Variants in NRG3 observed in about 807,000 individuals in gnomAD.
NRG3 encodes pro-neuregulin-3, membrane-bound isoform.
A neutral mutation model predicts 66.9 loss-of-function variants in NRG3; 31 were observed. The ratio of observed to expected loss-of-function variants is 0.46; its 90% confidence interval spans 0.35 to 0.63. The LOEUF is 0.63. NRG3 is among the 20% of genes least tolerant of loss of function. NRG3 has a pLI of 0.00. For synonymous variants in NRG3, 393 were observed against 359.4 expected, an observed-to-expected ratio of 1.09 and a Z score of -1.06; for missense variants, 910 against 878.9, an observed-to-expected ratio of 1.04 and a Z score of -0.45.
chr10:82,207,877 A>C (rs560385542), intron 1 of NRG3, among the ~76,000 whole-genome samples: 302 of 152,274 alleles, frequency 2.0e-3, no homozygotes, highest in African/African-American at 7.0e-3. Flanking sequence ...GTCTCCCTTG[A>C]CAGTGGGGAT....
At chr10:82,349,576 GCTGTGGTGGGCTCCACC>G (rs2083276279) in intron 1 of NRG3, among the ~76,000 whole-genome samples, 1 of 152,140 alleles carries the variant, frequency 6.6e-6, no homozygotes, top group East Asian at 1.9e-4. Context: ...GCCTCCTTGA[GCTGTGGTGGGCTCCACC>G]CAGTTCGAGC....
At chr10:82,951,835 C>T (rs2132363945) in intron 5 of NRG3, among the ~76,000 whole-genome samples, 1 of 152,310 alleles carries the variant, frequency 6.6e-6, no homozygotes, top group Admixed American at 6.5e-5. Flanking sequence ...TGACCACGAA[C>T]ATTCTATGTT....
chr10:82,714,541 A>G (rs991537431), intron 2 of NRG3, among the ~76,000 whole-genome samples: 9 of 152,084 alleles, frequency 5.9e-5, no homozygotes, highest in African/African-American at 2.2e-4. Context: ...TCTTCTATAA[A>G]CTTGTACTTT....
At chr10:82,318,264 A>G (rs2081393396) in intron 1 of NRG3, among the ~76,000 whole-genome samples, 1 of 152,120 alleles carries the variant, frequency 6.6e-6, no homozygotes, top group African/African-American at 2.4e-5. Context: ...CCAAAGGTGG[A>G]GGCAGGTTTG....
chr10:82,017,451 C>G (rs1044775695), intron 1 of NRG3, among the ~76,000 whole-genome samples: 1 of 152,038 alleles, frequency 6.6e-6, no homozygotes, highest in African/African-American at 2.4e-5. Context: ...TGGGTATATA[C>G]CCAGTAATGG....
intron 2 of NRG3, among the ~76,000 whole-genome samples, chr10:82,538,699 C>T (rs1590565875): frequency 6.6e-6 from 1 of 150,422 alleles, no homozygotes; most frequent in Admixed American, 6.6e-5. Flanking sequence ...TTTTTTTTCA[C>T]CAGAAAAAAA....
intron 3 of NRG3, among the ~76,000 whole-genome samples, chr10:82,864,384 G>C (rs1237393990): frequency 2.0e-5 from 3 of 151,876 alleles, no homozygotes; most frequent in Non-Finnish European, 4.4e-5. Flanking sequence ...TGAAATCTGG[G>C]TAACTAGATG....
intron 1 of NRG3, among the ~76,000 whole-genome samples, chr10:82,154,168 T>C (rs528870081): frequency 1.3e-4 from 20 of 152,178 alleles, no homozygotes; most frequent in Non-Finnish European, 2.2e-4. Flanking sequence ...TGTGAAGCTT[T>C]TTCTCTACAT....
chr10:82,015,925 A>G (rs778636633), intron 1 of NRG3, among the ~76,000 whole-genome samples: 2 of 151,538 alleles, frequency 1.3e-5, no homozygotes, highest in Non-Finnish European at 2.9e-5. Context: ...AGCCAGGCAC[A>G]TGTAAGCAAT....
Position 82,958,846 on chromosome 10 carries a change from T to G in NRG3, c.1158-103T>G, listed in dbSNP as rs1036287125. The G allele has an allele frequency of 1.1e-5, 14 of 1,311,366 alleles. No individual in the cohort carries two copies. The African/African-American group carries it at 2.1e-4, about 20-fold the overall frequency. 81.2% of individuals were successfully genotyped at this position (1,311,366 alleles called of 1,614,324 possible). On this transcript the variant is annotated intron_variant, in intron 5 of 8. Transcript: ENST00000372141. Reference sequence around the variant, plus strand: ...TCTTCGTTAGCTGAGTTTATTTAACTTTAGCAAATAACAAATATAGACACT... The same window carrying G: ...TCTTCGTTAGCTGAGTTTATTTAACGTTAGCAAATAACAAATATAGACACT...
At chr10:82,410,782 C>T (rs1007384855) in intron 2 of NRG3, among the ~76,000 whole-genome samples, 3 of 152,050 alleles carry the variant, frequency 2.0e-5, no homozygotes, top group African/African-American at 4.8e-5. Flanking sequence ...TCTCAAAATA[C>T]TGTGTTATCA....
intron 1 of NRG3, among the ~76,000 whole-genome samples, chr10:82,094,027 T>C (rs1406318804): frequency 6.6e-6 from 1 of 152,202 alleles, no homozygotes; most frequent in Non-Finnish European, 1.5e-5. Context: ...GTAAACTCCA[T>C]GTAAATTACG....
intron 4 of NRG3, among the ~76,000 whole-genome samples, chr10:82,905,194 A>G (rs542017511): frequency 1.3e-5 from 2 of 152,292 alleles, no homozygotes; most frequent in South Asian, 4.1e-4. Context: ...TCTGCAGATT[A>G]TTTATATCCA....
At chr10:82,728,977 GTT>G (rs780424370) in intron 2 of NRG3, among the ~76,000 whole-genome samples, 41 of 146,246 alleles carry the variant, frequency 2.8e-4, no homozygotes, top group South Asian at 4.6e-4. Context: ...GGCAGTGTTT[GTT>G]TGTGTGTGTG....
intron 4 of NRG3, among the ~76,000 whole-genome samples, chr10:82,916,934 C>A (rs1036171095): frequency 6.6e-6 from 1 of 152,138 alleles, no homozygotes; most frequent in African/African-American, 2.4e-5. Flanking sequence ...AAAAAATGCC[C>A]TCTAAATCAT....
chr10:82,731,079 A>T (rs1489859064), intron 2 of NRG3, among the ~76,000 whole-genome samples: 3 of 151,914 alleles, frequency 2.0e-5, no homozygotes, highest in Non-Finnish European at 4.4e-5. Flanking sequence ...AAGAAATATC[A>T]CTGGAAGCTG....
chr10:82,535,013 G>A (rs1385712088), intron 2 of NRG3, among the ~76,000 whole-genome samples: 1 of 151,068 alleles, frequency 6.6e-6, no homozygotes, highest in African/African-American at 2.4e-5. Context: ...AAATGCACCA[G>A]GCATGGTGGT....
chr10:82,337,368 A>G (rs1007608357), intron 1 of NRG3, among the ~76,000 whole-genome samples: 2 of 152,228 alleles, frequency 1.3e-5, no homozygotes, highest in African/African-American at 4.8e-5. Context: ...ATAATATTCC[A>G]TTGGATAGAT....
chr10:82,199,514 A>C (rs1253974326), intron 1 of NRG3, among the ~76,000 whole-genome samples: 1 of 152,200 alleles, frequency 6.6e-6, no homozygotes, highest in Non-Finnish European at 1.5e-5. Context: ...TGATCTGTTA[A>C]TACACCAATT....
Sources: gnomAD v4.1 joint callset for allele counts (sites outside exome capture counted in the v4.1 genomes callset) on GRCh38, gnomAD v4.1.1 for gene constraint, MANE v1.5 for transcripts, NCBI Gene and HGNC (gene_info 2026-07-23, HGNC 2026-07-21) for gene names.